The following TIAM1 variants were observed in gnomAD, a reference collection of about 807,000 sequenced individuals.
TIAM1 encodes TIAM Rac1 associated GEF 1.
In TIAM1, 65 loss-of-function variants were observed where a neutral mutation model predicts 163.5. The observed-to-expected ratio is 0.40, with a 90% CI of 0.33 to 0.49. The LOEUF (loss-of-function observed/expected upper bound fraction) is 0.49, where lower values mean the gene tolerates loss of function less well. Among genes scored for constraint, TIAM1 ranks in the 20% least tolerant of loss-of-function variants. The probability of loss-of-function intolerance (pLI) is 0.77; values close to 1 mark genes in which losing one functional copy is unlikely to be tolerated. For missense variants in TIAM1, 1,789 were observed against 2,044.7 expected, an observed-to-expected ratio of 0.87 and a Z score of 2.41; for synonymous variants, 833 against 810.1, an observed-to-expected ratio of 1.03 and a Z score of -0.48.
chr21:31,128,581 T>C (rs181054038), intron 25 of TIAM1, among the ~76,000 whole-genome samples: 1 of 152,328 alleles, frequency 6.6e-6, no homozygotes, highest in East Asian at 1.9e-4. Context: ...AGTAAGACTT[T>C]AGTATTTAAG....
rs917431855 is a variant in TIAM1, at chr21:31,310,255, C to G, written c.-189+28988G>C. Among the ~76,000 whole-genome samples the G allele has an allele frequency of 2.6e-5, 4 of 152,138 alleles. No individual in the cohort carries two copies. In the South Asian group the frequency reaches 6.2e-4, roughly 24 times the overall value. Reference sequence around the variant, plus strand: ...GCCTCCAAGCTCTATCTCTAGTATTCCCTGCACACCAAATGCAGAGAAGCC... The same window carrying G: ...GCCTCCAAGCTCTATCTCTAGTATTGCCTGCACACCAAATGCAGAGAAGCC... On this transcript the variant is annotated intron_variant, in intron 2 of 27. Coordinates refer to ENST00000541036, the MANE Select transcript of TIAM1 (RefSeq NM_001353694.2).
At chr21:31,352,527 C>T (rs1403359873) in intron 2 of TIAM1, among the ~76,000 whole-genome samples, 2 of 147,664 alleles carry the variant, frequency 1.4e-5, no homozygotes, top group Non-Finnish European at 3.0e-5. Context: ...AACGTTTTGG[C>T]TCACATATAT....
At chr21:31,480,148 A>C (rs1417729003) in intron 1 of TIAM1, among the ~76,000 whole-genome samples, 1 of 152,250 alleles carries the variant, frequency 6.6e-6, no homozygotes, top group African/African-American at 2.4e-5. Flanking sequence ...AAGGCAGAGC[A>C]AAAACATCTG....
Position 31,502,982 on chromosome 21 carries a change from C to A in TIAM1, c.-421-38947G>T, listed in dbSNP as rs1343717834. The stretch of plus-strand genomic sequence containing the variant: ...AATAGAGGAAAAAAAAGGATGGGCG[C>A]AGTGGCTCACGCCTGCTGTGAGAGC... On this transcript the variant is annotated intron_variant, in intron 1 of 28. Transcript: ENST00000286827. 3.9e-5 allele frequency among the ~76,000 whole-genome samples: 6 copies of A among 152,186 alleles called. No individual in the cohort carries two copies. The South Asian group carries it at 6.2e-4, about 16-fold the overall frequency.
At chr21:31,350,377 G>A (rs567733131) in intron 2 of TIAM1, among the ~76,000 whole-genome samples, 1 of 152,114 alleles carries the variant, frequency 6.6e-6, no homozygotes, top group Non-Finnish European at 1.5e-5. Flanking sequence ...ACTGGGGCAG[G>A]GAGTGGAGAA....
At chr21:31,335,011 T>A (rs1188967632) in intron 2 of TIAM1, among the ~76,000 whole-genome samples, 1 of 152,084 alleles carries the variant, frequency 6.6e-6, no homozygotes, top group Non-Finnish European at 1.5e-5. Context: ...GCCATGCCAA[T>A]GTTTACGCGA....
At chr21:31,198,372 A>G (rs2085997008) in intron 12 of TIAM1, among the ~76,000 whole-genome samples, 1 of 152,194 alleles carries the variant, frequency 6.6e-6, no homozygotes, top group South Asian at 2.1e-4. Flanking sequence ...GGATCCTTTT[A>G]AACACCTCAA....
intron 13 of TIAM1, 85 bp from the exon 14 acceptor site, chr21:31,187,172 G>T: frequency 3.3e-6 from 4 of 1,221,380 alleles, no homozygotes; most frequent in Non-Finnish European, 4.8e-6. Flanking sequence ...TGTGAACTAG[G>T]TATGTTTCAT....
Position 31,457,962 on chromosome 21 carries a change from T to C in TIAM1, c.-369+6021A>G, listed in dbSNP as rs139078910. On this transcript the variant is annotated intron_variant, in intron 2 of 28. Transcript: ENST00000286827. ...AGTATCCAGCCCACAATGTCAGTAG[T>C]TCAGAAACTGAGAGATCCTGAGATA... Among the ~76,000 whole-genome samples the C allele has an allele frequency of 5.9e-3, 896 of 152,312 alleles. 26 individuals are homozygous for C. The highest frequency in any genetic ancestry group is 0.049 in the Admixed American group (751 of 15,300).
chr21:31,394,718 TCTCTCTCTCTCA>T (rs1416655097), intron 2 of TIAM1, among the ~76,000 whole-genome samples: 7 of 122,188 alleles, frequency 5.7e-5, no homozygotes, highest in Admixed American at 3.8e-4. Context: ...GCTCTCTCTC[TCTCTCTCTCTCA>T]CACACACACA....
intron 12 of TIAM1, among the ~76,000 whole-genome samples, chr21:31,195,713 C>T (rs2085813064): frequency 6.6e-6 from 1 of 152,180 alleles, no homozygotes; most frequent in Non-Finnish European, 1.5e-5. Flanking sequence ...AAAAGTTCAT[C>T]ATAGTACAAA....
chr21:31,263,076 G>A (rs1328661696), intron 4 of TIAM1, among the ~76,000 whole-genome samples: 1 of 152,180 alleles, frequency 6.6e-6, no homozygotes, highest in African/African-American at 2.4e-5. Context: ...ACTTAGACTA[G>A]GAAATGTGGG....
chr21:31,360,261 G>A (rs1038551381), intron 2 of TIAM1, among the ~76,000 whole-genome samples: 7 of 151,434 alleles, frequency 4.6e-5, no homozygotes, highest in African/African-American at 1.7e-4. Context: ...AATTTAAGAC[G>A]GACAGAAGTA....
intron 12 of TIAM1, 75 bp downstream of exon 12, chr21:31,202,833 C>T: frequency 7.1e-7 from 1 of 1,405,654 alleles, no homozygotes; most frequent in Non-Finnish European, 1.0e-6. Flanking sequence ...CCACCAACTA[C>T]AATTAACACG....
At chr21:31,137,284 T>G (rs967204240) in intron 22 of TIAM1, among the ~76,000 whole-genome samples, 83 of 152,348 alleles carry the variant, frequency 5.4e-4, no homozygotes, top group Non-Finnish European at 9.4e-4. Flanking sequence ...GATACAGAGG[T>G]ATTGTTGCCT....
Position 31,186,670 on chromosome 21 carries a change from A to C in TIAM1, c.2662+331T>G, listed in dbSNP as rs765740563. Reference sequence around the variant, plus strand: ...GGCATGCACCTGTACTCCCCTAGCGACCTGGGGGGCTGAGGTGAGAGGGTG... The same window carrying C: ...GGCATGCACCTGTACTCCCCTAGCGCCCTGGGGGGCTGAGGTGAGAGGGTG... On this transcript the variant is annotated intron_variant, in intron 14 of 27. Transcript: ENST00000541036. Among the ~76,000 whole-genome samples, 10 of 151,954 alleles carry C rather than the reference A, an allele frequency of 6.6e-5. No homozygotes were observed. In the South Asian group the frequency reaches 8.3e-4, roughly 13 times the overall value.
At chr21:31,364,229 G>A (rs1373344235) in intron 2 of TIAM1, among the ~76,000 whole-genome samples, 1 of 152,206 alleles carries the variant, frequency 6.6e-6, no homozygotes, top group African/African-American at 2.4e-5. Flanking sequence ...CCCCAGCACT[G>A]CACTGTTTCA....
intron 1 of TIAM1, among the ~76,000 whole-genome samples, chr21:31,552,719 G>A (rs574082090): frequency 1.3e-5 from 2 of 152,190 alleles, no homozygotes; most frequent in East Asian, 1.9e-4. Context: ...GCAGTGAGCC[G>A]AGATTGTGCC....
At chr21:31,516,812 T>G (rs2047397695) in intron 1 of TIAM1, among the ~76,000 whole-genome samples, 1 of 151,542 alleles carries the variant, frequency 6.6e-6, no homozygotes, top group African/African-American at 2.4e-5. Flanking sequence ...TCCCAACACT[T>G]TGGGAGGCCG....
Sources: allele counts gnomAD v4.1 joint callset (sites outside exome capture counted in the v4.1 genomes callset), GRCh38; gene constraint gnomAD v4.1.1; transcripts MANE v1.5; gene names NCBI Gene and HGNC (gene_info 2026-07-23, HGNC 2026-07-21).